Variants in TMEM131 observed in about 807,000 individuals in gnomAD.
TMEM131 encodes transmembrane protein 131.
In TMEM131, 66 loss-of-function variants were observed where a neutral mutation model predicts 211.6. The ratio of observed to expected loss-of-function variants is 0.31; its 90% CI spans 0.26 to 0.38. TMEM131 has a LOEUF of 0.38. Among genes scored for constraint, TMEM131 ranks in the 10% least tolerant of loss-of-function variants. The pLI, the probability that TMEM131 is intolerant of heterozygous loss-of-function variation, is 1.00. For missense variants in TMEM131, 2,036 were observed against 2,299.3 expected (o/e 0.89, Z 2.34); for synonymous variants, 844 against 841.3 (o/e 1.00, Z -0.06).
chr2:97,861,028 A>G lies in TMEM131; in HGVS notation c.360-1601T>C, dbSNP rs190990033. ...GACTGTGAGACTTTGCCATGAACTC[A>G]GTGCTGCCCTGTCACAGCAGAAAGC... On this transcript the variant is annotated intron_variant, in intron 4 of 40. Transcript: ENST00000186436. 1.9e-4 allele frequency among the ~76,000 whole-genome samples: 29 copies of G among 152,268 alleles called. 1 individual carries two copies. Among genetic ancestry groups the G allele is most frequent in the Admixed American group, 1.8e-3 (27 of 15,296 alleles).
In TMEM131 at chr2:97,757,049, C is replaced by T. The variant is rs376781140; in HGVS notation, c.*50G>A. On this transcript the variant is annotated 3_prime_UTR_variant, in exon 41 of 41. Coordinates refer to ENST00000186436, the MANE Select transcript of TMEM131 (RefSeq NM_015348.2). ...TAAAAAGATGTCTCAGAAACTGGCA[C>T]ATCATGATCTAGACGAGGGCCCACT... 7 of 1,513,446 alleles carry T rather than the reference C, an allele frequency of 4.6e-6. No homozygotes were observed. The highest frequency in any genetic ancestry group is 6.2e-6 in the Non-Finnish European group (7 of 1,129,264). 93.8% of individuals were successfully genotyped at this position (1,513,446 alleles called of 1,614,324 possible). A position where few individuals can be genotyped will look rare whatever the true frequency, so the allele number is the denominator to read the frequency against.
chr2:97,832,004 CAAAAAAAAAAA>C lies in TMEM131; in HGVS notation c.1074+1350_1074+1360del, dbSNP rs770432398. Among the ~76,000 whole-genome samples, 70 of 60,276 alleles carry C rather than the reference CAAAAAAAAAAA, an allele frequency of 1.2e-3. 1 individual carries two copies. The highest frequency in any genetic ancestry group is 3.7e-3 in the African/African-American group (52 of 14,048). The allele number at this position is 60,276 out of a possible 152,430, so 39.5% of individuals were successfully genotyped here. On this transcript the variant is annotated intron_variant, in intron 11 of 40. Coordinates refer to ENST00000186436, the MANE Select transcript of TMEM131 (RefSeq NM_015348.2). ...TTTTTATAGTTGTGTAAGTCACTTC[CAAAAAAAAAAA>C]AAAAAAAAAAAGCAGCTCTAACTCA...
At chr2:97,772,266 C>A (rs2104802604) in intron 33 of TMEM131, 31 bp downstream of exon 33, 1 of 1,585,302 alleles carries the variant, frequency 6.3e-7, no homozygotes, top group East Asian at 2.3e-5. Flanking sequence ...TCTTTATAGA[C>A]CTTATTTCTC....
intron 11 of TMEM131, among the ~76,000 whole-genome samples, chr2:97,828,104 T>C (rs978393130): frequency 2.6e-5 from 4 of 152,232 alleles, no homozygotes; most frequent in African/African-American, 9.6e-5. Flanking sequence ...GAATATGTAG[T>C]GTACGTGCTA....
At chr2:97,870,901 T>C (rs1392896758) in intron 4 of TMEM131, among the ~76,000 whole-genome samples, 3 of 152,154 alleles carry the variant, frequency 2.0e-5, no homozygotes, top group Admixed American at 6.5e-5. Flanking sequence ...TATGGAAAGA[T>C]TGGGTAGGTA....
chr2:97,812,836 A>G, intron 15 of TMEM131, 87 bp from the exon 16 acceptor site: 1 of 730,706 alleles, frequency 1.4e-6, no homozygotes, highest in Non-Finnish European at 2.1e-6. Flanking sequence ...TTAAAGATGT[A>G]TTAAAGTTCC....
chr2:97,959,342 T>G (rs1424314063), intron 1 of TMEM131, among the ~76,000 whole-genome samples: 1 of 152,062 alleles, frequency 6.6e-6, no homozygotes, highest in Non-Finnish European at 1.5e-5. Flanking sequence ...CTGGACAGGT[T>G]TGAAGAACCA....
At chr2:97,795,305 G>A (rs1188896303) in intron 28 of TMEM131, among the ~76,000 whole-genome samples, 190 bp from the exon 29 acceptor site, 2 of 152,182 alleles carry the variant, frequency 1.3e-5, no homozygotes, top group Non-Finnish European at 2.9e-5. Flanking sequence ...TGTATTCTGT[G>A]AATAATTAGA....
intron 8 of TMEM131, among the ~76,000 whole-genome samples, chr2:97,835,619 A>G (rs1165642072): frequency 6.6e-6 from 1 of 152,136 alleles, no homozygotes; most frequent in African/African-American, 2.4e-5. Context: ...CTTTCAGCAT[A>G]TTTTAGGAGA....
intron 31 of TMEM131, among the ~76,000 whole-genome samples, chr2:97,792,071 C>CA (rs1181007338): frequency 6.6e-6 from 1 of 152,170 alleles, no homozygotes; most frequent in East Asian, 1.9e-4. Context: ...CTCCTGTGCT[C>CA]AAAATTATTT....
At chr2:97,797,953 TG>T (rs1680844176) in intron 25 of TMEM131, among the ~76,000 whole-genome samples, 1 of 152,124 alleles carries the variant, frequency 6.6e-6, no homozygotes, top group Non-Finnish European at 1.5e-5. Context: ...TGCTCCCCTC[TG>T]AAGGGGACCA....
chr2:97,952,954 A>G (rs942627036), intron 1 of TMEM131, among the ~76,000 whole-genome samples: 4 of 152,252 alleles, frequency 2.6e-5, no homozygotes, highest in African/African-American at 9.6e-5. Flanking sequence ...CAGCAAAGCT[A>G]TCCTTCAAAA....
At position 97,859,418 on chromosome 2, in the gene TMEM131, T is replaced by G. The variant is rs761950490; in HGVS notation, c.369A>C (p.Gly123=). ...AGTAGACTTTTTCCATTTTTGGCAT[T>G]CCAACTGGTCTGTAAAACAAAAAGA... ...PMLDFHEQPV[G]MPKMEKVYLH... The change falls in exon 5 of 41, where the codon GGA becomes GGC. Residue 123 remains glycine (G), a synonymous_variant. Transcript: ENST00000186436. 1 of 1,576,868 alleles carries G rather than the reference T, an allele frequency of 6.3e-7. No homozygotes were observed. Among genetic ancestry groups the G allele is most frequent in the Non-Finnish European group, 8.6e-7 (1 of 1,167,820 alleles).
chr2:97,968,794 G>C (rs955260227), intron 1 of TMEM131, among the ~76,000 whole-genome samples: 7 of 152,108 alleles, frequency 4.6e-5, no homozygotes, highest in African/African-American at 1.7e-4. Flanking sequence ...ATCAGAATAA[G>C]GATATCGGGC....
At chr2:97,776,313 C>G (rs772644681) in intron 31 of TMEM131, among the ~76,000 whole-genome samples, 1 of 152,144 alleles carries the variant, frequency 6.6e-6, no homozygotes, top group Non-Finnish European at 1.5e-5. Context: ...CTCGGGCCTC[C>G]CAAAGTGCTG....
Position 97,805,150 on chromosome 2 carries a change from G to T in TMEM131, c.2340C>A (p.Asp780Glu). 1 of 1,613,812 alleles carries T rather than the reference G, an allele frequency of 6.2e-7. No individual in the cohort carries two copies. The highest frequency in any genetic ancestry group is 8.5e-7 in the Non-Finnish European group (1 of 1,179,842). Residue 780 changes from aspartate to glutamate, a missense_variant, in exon 22 of 41, where the codon GAC becomes GAA. This residue lies in a region of TMEM131 where 1,623 missense variants were observed against 1,805.9 expected (regional missense o/e 0.90). Transcript: ENST00000186436. ...VAMQEDMWDA[D>E]WDLHQSLFKG... ...TGAACAGGCTTTGATGCAAATCCCAGTCAGCATCCCACATATCTTCCTGCA... is the reference window on the plus strand; with the variant it reads ...TGAACAGGCTTTGATGCAAATCCCATTCAGCATCCCACATATCTTCCTGCA...
chr2:97,924,167 T>C (rs1308249596), intron 2 of TMEM131, among the ~76,000 whole-genome samples: 1 of 151,972 alleles, frequency 6.6e-6, no homozygotes, highest in Non-Finnish European at 1.5e-5. Context: ...AGAAGATGGC[T>C]TGAGGCTAGG....
chr2:97,873,002 T>C (rs1338486450), intron 4 of TMEM131, among the ~76,000 whole-genome samples: 9 of 152,188 alleles, frequency 5.9e-5, no homozygotes, highest in Non-Finnish European at 1.5e-5. Context: ...GGCTTGAAGT[T>C]CTCGCTGCCA....
intron 1 of TMEM131, among the ~76,000 whole-genome samples, chr2:97,942,904 T>C (rs1677809621): frequency 6.6e-6 from 1 of 150,962 alleles, no homozygotes; most frequent in Non-Finnish European, 1.5e-5. Context: ...GAAGGATCAT[T>C]TGAGCCTAGG....
Sources: gnomAD v4.1 joint callset for allele counts (sites outside exome capture counted in the v4.1 genomes callset) on GRCh38, gnomAD v4.1.1 for gene constraint, gnomAD v4.1.1 regional missense constraint, MANE v1.5 for transcripts, NCBI Gene and HGNC (gene_info 2026-07-23, HGNC 2026-07-21) for gene names.